The following ECPAS variants were observed in gnomAD, a reference collection of about 807,000 sequenced individuals.
ECPAS encodes Ecm29 proteasome adaptor and scaffold, also known as proteasome adapter and scaffold protein ECM29.
Under a neutral mutation model 255.1 loss-of-function variants are expected in ECPAS, and 70 were observed. The ratio of observed to expected loss-of-function variants is 0.27; its 90% CI spans 0.23 to 0.33. The LOEUF (loss-of-function observed/expected upper bound fraction) is 0.33, where lower values mean the gene tolerates loss of function less well. ECPAS is among the 10% of genes least tolerant of loss of function. The pLI is 1.00. For missense variants in ECPAS, 1,817 were observed against 2,206.4 expected, an observed-to-expected ratio of 0.82 and a Z score of 3.54; for synonymous variants, 784 against 775.0, an observed-to-expected ratio of 1.01 and a Z score of -0.19.
Position 111,371,829 on chromosome 9 carries a change from C to G in ECPAS, c.4529G>C (p.Gly1510Ala), listed in dbSNP as rs1350067434. The G allele has an allele frequency of 6.3e-7, 1 of 1,597,382 alleles. No individual in the cohort carries two copies. The highest frequency in any genetic ancestry group is 8.5e-7 in the Non-Finnish European group (1 of 1,170,982). Residue 1510 changes from glycine to alanine, a missense_variant and splice_region_variant, in exon 43 of 50, where the codon GGA becomes GCA. Physicochemically the swap from Gly to Ala is moderately conservative, Grantham distance 60. Coordinates refer to ENST00000684092, the MANE Select transcript of ECPAS (RefSeq NM_001364929.1). Reference sequence around the variant, plus strand: ...GTATAATCGAATGCCACCAAAGGATCCTAGGAAAGCAAAATTAAAACAACT... The same window carrying G: ...GTATAATCGAATGCCACCAAAGGATGCTAGGAAAGCAAAATTAAAACAACT... ...WTEVWQENVPGSFGGIRLYLQ... is the reference protein window; with the variant it reads ...WTEVWQENVPASFGGIRLYLQ...
At chr9:111,403,139 G>C (rs1221670109) in intron 24 of ECPAS, among the ~76,000 whole-genome samples, 1 of 151,302 alleles carries the variant, frequency 6.6e-6, no homozygotes, top group Non-Finnish European at 1.5e-5. Context: ...GATCACTTGA[G>C]GTCAGGGGTT....
intron 26 of ECPAS, 27 bp from the exon 27 acceptor site, chr9:111,393,761 C>T: frequency 1.4e-6 from 2 of 1,440,256 alleles, no homozygotes; most frequent in Non-Finnish European, 1.9e-6. Context: ...GGCATTAGAA[C>T]ACTGAAACTC....
rs777000594 is a variant in ECPAS at position 111,389,640 on chromosome 9, A to C, written c.3363T>G (p.Leu1121=). Residue 1121 remains leucine (L), a synonymous_variant, in exon 31 of 50, where the codon CTT becomes CTG. Coordinates refer to ENST00000684092, the MANE Select transcript of ECPAS (RefSeq NM_001364929.1). The stretch of plus-strand genomic sequence containing the variant: ...GGTTGGGATCAAACTGGTAACGATA[A>C]AGTCGAGGAACTAGCTGAGGCAGAA... The part of the protein sequence containing the change: ...APFLPQLVPR[L]YRYQFDPNLG... The C allele has an allele frequency of 5.0e-6, 8 of 1,613,844 alleles. No homozygotes were observed. Among genetic ancestry groups the C allele is most frequent in the South Asian group, 1.1e-5 (1 of 91,086 alleles).
At chr9:111,376,236 G>A (rs2098133238) in intron 37 of ECPAS, among the ~76,000 whole-genome samples, 1 of 152,152 alleles carries the variant, frequency 6.6e-6, no homozygotes, top group South Asian at 2.1e-4. Flanking sequence ...GAGAGCTCTT[G>A]ATATGTTGTT....
intron 35 of ECPAS, among the ~76,000 whole-genome samples, 165 bp from the exon 36 acceptor site, chr9:111,378,895 C>T (rs7020157): frequency 0.99 from 151,096 of 152,382 alleles, 74,913 homozygotes; most frequent in Middle Eastern, 1. Flanking sequence ...TTAAAGAAAC[C>T]TTGAAGCATA....
chr9:111,484,375 C>G lies in ECPAS; in HGVS notation c.-342G>C, dbSNP rs956506654. The G allele has an allele frequency of 5.0e-6, 8 of 1,611,676 alleles. No individual in the cohort carries two copies. Among genetic ancestry groups the G allele is most frequent in the Middle Eastern group, 1.7e-4 (1 of 6,024 alleles). Reference sequence around the variant, plus strand: ...AAACACGCCTGTCCAAAGGAAGAGACGTGGACTCAGAAAAGTAGAGCCGGG... The same window carrying G: ...AAACACGCCTGTCCAAAGGAAGAGAGGTGGACTCAGAAAAGTAGAGCCGGG... On this transcript the variant is annotated 5_prime_UTR_variant, in exon 1 of 50. Transcript: ENST00000684092.
At position 111,366,572 on chromosome 9, in the gene ECPAS, C is replaced by T. The variant is rs754712116; in HGVS notation, c.5169G>A (p.Thr1723=). 7 of 1,613,418 alleles carry T rather than the reference C, an allele frequency of 4.3e-6. No individual in the cohort carries two copies. Among genetic ancestry groups the T allele is most frequent in the South Asian group, 1.1e-5 (1 of 91,076 alleles). Residue 1723 remains threonine, a synonymous_variant, in exon 47 of 50, where the codon ACG becomes ACA. Coordinates refer to ENST00000684092, the MANE Select transcript of ECPAS (RefSeq NM_001364929.1). ...KLMCERLKLS[T]WKVQLGVLQS... ...GCAGGACTCCTAGCTGCACTTTCCA[C>T]GTGCTGAGTTTTAGCCGTTCACACA... is the stretch of plus-strand genomic sequence containing the variant.
At chr9:111,476,065 G>A (rs2132106981) in intron 1 of ECPAS, among the ~76,000 whole-genome samples, 1 of 152,324 alleles carries the variant, frequency 6.6e-6, no homozygotes, top group East Asian at 1.9e-4. Context: ...CACCTGACAT[G>A]CTGATTATCT....
intron 2 of ECPAS, among the ~76,000 whole-genome samples, chr9:111,454,145 A>G (rs1337130873): frequency 6.6e-6 from 1 of 152,176 alleles, no homozygotes; most frequent in African/African-American, 2.4e-5. Context: ...CAGGTAAAGG[A>G]GCAGCTCCTT....
At chr9:111,394,837 T>C (rs930630465) in intron 25 of ECPAS, among the ~76,000 whole-genome samples, 1 of 152,146 alleles carries the variant, frequency 6.6e-6, no homozygotes, top group South Asian at 2.1e-4. Context: ...CATTACCAAG[T>C]GTCTAGGGGG....
intron 2 of ECPAS, among the ~76,000 whole-genome samples, chr9:111,451,966 T>C (rs1487925825): frequency 1.3e-5 from 2 of 152,182 alleles, no homozygotes; most frequent in African/African-American, 4.8e-5. Context: ...ATGAAGTTTC[T>C]CCAAAGACAG....
At chr9:111,390,287 T>C (rs1377190018) in intron 29 of ECPAS, among the ~76,000 whole-genome samples, 186 bp from the exon 30 acceptor site, 1 of 152,184 alleles carries the variant, frequency 6.6e-6, no homozygotes, top group Non-Finnish European at 1.5e-5. Flanking sequence ...ATTCAACTAT[T>C]AGCAATTCCT....
At chr9:111,385,736 C>T (rs1178985184) in intron 32 of ECPAS, among the ~76,000 whole-genome samples, 1 of 152,140 alleles carries the variant, frequency 6.6e-6, no homozygotes, top group Non-Finnish European at 1.5e-5. Context: ...ACACACTGGG[C>T]ACCGAATGAA....
intron 17 of ECPAS, among the ~76,000 whole-genome samples, chr9:111,417,533 G>T (rs1335306027): frequency 6.6e-6 from 1 of 152,062 alleles, no homozygotes; most frequent in African/African-American, 2.4e-5. Flanking sequence ...ATCACCTGAG[G>T]TCAGGAGTTC....
At chr9:111,433,960 T>A (rs1272198273) in intron 7 of ECPAS, among the ~76,000 whole-genome samples, 1 of 152,216 alleles carries the variant, frequency 6.6e-6, no homozygotes, top group Non-Finnish European at 1.5e-5. Flanking sequence ...ATTGACTGGC[T>A]GAAATGAAAC....
chr9:111,482,476 A>G (rs891775974), intron 1 of ECPAS, among the ~76,000 whole-genome samples: 3 of 152,252 alleles, frequency 2.0e-5, no homozygotes, highest in African/African-American at 7.2e-5. Flanking sequence ...AAGCACCAGA[A>G]AAACATACAT....
At chr9:111,425,706 C>A in intron 11 of ECPAS, 37 bp downstream of exon 11, 1 of 1,242,094 alleles carries the variant, frequency 8.1e-7, no homozygotes. Context: ...ATTCCAGCAG[C>A]TTGAAAACTT....
chr9:111,468,101 G>C (rs763882433), intron 2 of ECPAS, among the ~76,000 whole-genome samples: 3 of 152,100 alleles, frequency 2.0e-5, no homozygotes, highest in Non-Finnish European at 4.4e-5. Context: ...AGTGAGCCGA[G>C]ATCACGCCAC....
chr9:111,418,614 A>C (rs1373564443), intron 16 of ECPAS, among the ~76,000 whole-genome samples: 1 of 152,220 alleles, frequency 6.6e-6, no homozygotes, highest in Non-Finnish European at 1.5e-5. Flanking sequence ...ATTAATAAAT[A>C]ATTCCTTAAG....
Sources: gnomAD v4.1 joint callset for allele counts (sites outside exome capture counted in the v4.1 genomes callset) on GRCh38, gnomAD v4.1.1 for gene constraint, MANE v1.5 for transcripts, NCBI Gene and HGNC (gene_info 2026-07-23, HGNC 2026-07-21) for gene names.